The following ROR1 variants were observed in gnomAD, a reference collection of about 807,000 sequenced individuals.
ROR1 encodes ROR family WNT receptor 1, also known as inactive tyrosine-protein kinase transmembrane receptor ROR1.
In ROR1, 19 loss-of-function variants were observed where a neutral mutation model predicts 78.8. The ratio of observed to expected loss-of-function variants is 0.24; its 90% CI spans 0.17 to 0.35. The LOEUF (loss-of-function observed/expected upper bound fraction) is 0.35. Among genes scored for constraint, ROR1 ranks in the 10% least tolerant of loss-of-function variants. ROR1 has a pLI of 1.00. For synonymous variants in ROR1, 386 were observed against 433.6 expected (o/e 0.89, Z 1.36); for missense variants, 917 against 1,177.8 (o/e 0.78, Z 3.24).
Position 64,140,125 on chromosome 1 carries a change from T to C in ROR1, c.627T>C (p.Ile209=). 2 of 1,612,192 alleles carry C rather than the reference T, an allele frequency of 1.2e-6. 1 individual carries two copies. Among genetic ancestry groups the C allele is most frequent in the South Asian group, 2.2e-5 (2 of 91,062 alleles). ...GTTTTCCAGCTGCCTTCACTATGAT[T>C]GGCACTTCCAGTCACTTATCTGATA... ...ENQITAAFTM[I]GTSSHLSDKC... is the part of the protein sequence containing the mutation. The change falls in exon 6 of 9, where the codon ATT becomes ATC. Residue 209 remains isoleucine, a synonymous_variant. Transcript: ENST00000371079.
At chr1:63,958,419 A>C (rs536703953) in intron 1 of ROR1, among the ~76,000 whole-genome samples, 1 of 152,302 alleles carries the variant, frequency 6.6e-6, no homozygotes, top group East Asian at 1.9e-4. Context: ...CAATAATGGC[A>C]GTTAAATTTT....
At chr1:64,136,485 T>C (rs913476958) in intron 4 of ROR1, among the ~76,000 whole-genome samples, 6 of 151,878 alleles carry the variant, frequency 4.0e-5, no homozygotes, top group Non-Finnish European at 8.8e-5. Context: ...TGTTCTGCAC[T>C]CGAGGGATCT....
At chr1:63,882,023 C>T (rs1645326303) in intron 1 of ROR1, among the ~76,000 whole-genome samples, 1 of 152,084 alleles carries the variant, frequency 6.6e-6, no homozygotes, top group Admixed American at 6.6e-5. Flanking sequence ...AGGAGGGGAT[C>T]ATATAGGATA....
rs536782942 is a variant in ROR1 at position 64,163,715 on chromosome 1, A to C, written c.1386+4523A>C. The stretch of plus-strand genomic sequence containing the variant: ...TCCAGCCAAAGTAGTTGCTGAATAT[A>C]CTGAAATTTGATTACATTCTCTGGC... On this transcript the variant is annotated intron_variant, in intron 8 of 8. Transcript: ENST00000371079. Among the ~76,000 whole-genome samples the C allele has an allele frequency of 8.5e-5, 13 of 152,232 alleles. No individual in the cohort carries two copies. In the South Asian group the frequency reaches 2.7e-3, roughly 32 times the overall value.
At chr1:63,814,701 A>G (rs1644879168) in intron 1 of ROR1, among the ~76,000 whole-genome samples, 1 of 152,046 alleles carries the variant, frequency 6.6e-6, no homozygotes, top group African/African-American at 2.4e-5. Flanking sequence ...GTTCGCTCCT[A>G]TGAGAATCTA....
At chr1:63,852,664 G>A (rs649195) in intron 1 of ROR1, among the ~76,000 whole-genome samples, 31,913 of 152,130 alleles carry the variant, frequency 0.21, 7,068 homozygotes, top group African/African-American at 0.56. Flanking sequence ...GTTCCTTTGA[G>A]TATTGATGGA....
chr1:63,966,465 G>T, intron 1 of ROR1, among the ~76,000 whole-genome samples: 1 of 152,276 alleles, frequency 6.6e-6, no homozygotes, highest in South Asian at 2.1e-4. Flanking sequence ...ATAATTTCCT[G>T]CTGGGTAATC....
chr1:64,032,907 C>T (rs746093114), intron 2 of ROR1, among the ~76,000 whole-genome samples: 1 of 151,964 alleles, frequency 6.6e-6, no homozygotes, highest in African/African-American at 2.4e-5. Flanking sequence ...TATGAGGTAC[C>T]TAGAGTAGTG....
intron 1 of ROR1, among the ~76,000 whole-genome samples, chr1:63,886,701 T>A (rs1341059541): frequency 6.6e-6 from 1 of 152,180 alleles, no homozygotes; most frequent in Non-Finnish European, 1.5e-5. Context: ...GAAAAGTTTT[T>A]CTACTAGAGC....
At chr1:63,826,890 C>G (rs1644956902) in intron 1 of ROR1, among the ~76,000 whole-genome samples, 1 of 151,992 alleles carries the variant, frequency 6.6e-6, no homozygotes, top group Non-Finnish European at 1.5e-5. Context: ...TTGCATTTTT[C>G]TAATGATCAG....
chr1:63,833,050 T>G (rs1644998502), intron 1 of ROR1, among the ~76,000 whole-genome samples: 1 of 152,250 alleles, frequency 6.6e-6, no homozygotes, highest in Non-Finnish European at 1.5e-5. Context: ...CCAATCTTGT[T>G]TTCCCATAAA....
intron 1 of ROR1, among the ~76,000 whole-genome samples, chr1:63,784,693 G>A (rs1644673222): frequency 1.3e-5 from 2 of 152,170 alleles, no homozygotes; most frequent in South Asian, 4.1e-4. Flanking sequence ...TAACCTCTGA[G>A]ACTGGCTTTC....
chr1:63,865,326 G>A (rs1645208369), intron 1 of ROR1, among the ~76,000 whole-genome samples: 1 of 152,138 alleles, frequency 6.6e-6, no homozygotes, highest in African/African-American at 2.4e-5. Flanking sequence ...GTTTTGTCAT[G>A]CTTTTGGTCT....
In ROR1 at chr1:64,167,750, A is replaced by C. The variant is rs564280346; in HGVS notation, c.1386+8558A>C. The stretch of plus-strand genomic sequence containing the variant: ...AGGGCTCTCATGCTCAATTCAGGTG[A>C]AGGTTGCCATGGACAGGTTTTGTTC... On this transcript the variant is annotated intron_variant, in intron 8 of 8. Transcript: ENST00000371079. 2.0e-5 allele frequency among the ~76,000 whole-genome samples: 3 copies of C among 152,346 alleles called. No homozygotes were observed. The East Asian group carries it at 5.8e-4, about 29-fold the overall frequency.
At chr1:63,862,254 T>A (rs1645186465) in intron 1 of ROR1, among the ~76,000 whole-genome samples, 1 of 151,674 alleles carries the variant, frequency 6.6e-6, no homozygotes, top group Non-Finnish European at 1.5e-5. Context: ...ATTAGCCAGG[T>A]ATGGTGGCAC....
rs1644599862 is a variant in ROR1, at chr1:63,774,486, C to G, written c.69C>G (p.Ala23=). Residue 23 remains alanine (A), a synonymous_variant, in exon 1 of 9, where the codon GCC becomes GCG. Coordinates refer to ENST00000371079, the MANE Select transcript of ROR1 (RefSeq NM_005012.4). The surrounding 1 kb of genome is among the most constrained non-coding windows in gnomAD (Gnocchi z 5.7). ...CGCTGCTGGCCGCGCTGCTGCTGGC[C>G]GCACGCGGGGCTGCTGCCCAAGGTA... ...LLALLAALLL[A]ARGAAAQETE... The G allele has an allele frequency of 2.6e-6, 3 of 1,150,744 alleles. No individual in the cohort carries two copies. Among genetic ancestry groups the G allele is most frequent in the African/African-American group, 3.3e-5 (2 of 61,016 alleles). 71.3% of individuals were successfully genotyped at this position (1,150,744 alleles called of 1,614,324 possible). A position where few individuals can be genotyped will look rare whatever the true frequency, so the allele number is the denominator to read the frequency against.
chr1:64,030,154 T>A (rs965529882), intron 2 of ROR1, among the ~76,000 whole-genome samples: 2 of 152,212 alleles, frequency 1.3e-5, no homozygotes, highest in Non-Finnish European at 2.9e-5. Flanking sequence ...TGGTACTCCA[T>A]AACATTTATG....
At chr1:63,964,739 A>G (rs1646059629) in intron 1 of ROR1, among the ~76,000 whole-genome samples, 1 of 152,206 alleles carries the variant, frequency 6.6e-6, no homozygotes, top group South Asian at 2.1e-4. Flanking sequence ...ATGGCACACC[A>G]TGTGCTGATA....
intron 4 of ROR1, among the ~76,000 whole-genome samples, chr1:64,116,179 T>A (rs1261781254): frequency 1.3e-5 from 2 of 152,346 alleles, no homozygotes; most frequent in East Asian, 3.9e-4. Flanking sequence ...TAATCCATGC[T>A]CTTCTATAGA....
Sources: allele counts gnomAD v4.1 joint callset (sites outside exome capture counted in the v4.1 genomes callset), GRCh38; gene constraint gnomAD v4.1.1; non-coding constraint Gnocchi (gnomAD v3.1); transcripts MANE v1.5; gene names NCBI Gene and HGNC (gene_info 2026-07-23, HGNC 2026-07-21).